Variants in ZNF217 observed in about 807,000 individuals in gnomAD.
The protein encoded by ZNF217 is zinc finger protein 217.
Under a neutral mutation model 73.3 loss-of-function variants are expected in ZNF217, and 12 were observed. The ratio of observed to expected loss-of-function variants is 0.16; its 90% CI spans 0.10 to 0.27. The LOEUF is 0.27. Ranked by LOEUF, ZNF217 falls within the 10% of genes least tolerant of loss-of-function variation. ZNF217 has a pLI of 1.00. For missense variants in ZNF217, 1,195 were observed against 1,327.8 expected, an observed-to-expected ratio of 0.90 and a Z score of 1.55; for synonymous variants, 588 against 516.4, an observed-to-expected ratio of 1.14 and a Z score of -1.88.
In ZNF217 at chr20:53,575,707, C is replaced by T. The variant is rs768926585; in HGVS notation, c.3037+20G>A. 9.1e-6 allele frequency: 14 copies of T among 1,538,228 alleles called. No individual in the cohort carries two copies. Among genetic ancestry groups the T allele is most frequent in the East Asian group, 4.5e-5 (2 of 44,350 alleles). On this transcript the variant is annotated intron_variant, in intron 4 of 5. Transcript: ENST00000371471. ...ATCACTGTAGGCAGCCATTTAAACACGACGCCCCTCATGCAATACCTTCTA... is the reference window on the plus strand; with the variant it reads ...ATCACTGTAGGCAGCCATTTAAACATGACGCCCCTCATGCAATACCTTCTA...
chr20:53,586,426 A>AGACAAAACAC (rs1988694844), intron 1 of ZNF217, among the ~76,000 whole-genome samples: 1 of 152,090 alleles, frequency 6.6e-6, no homozygotes, highest in Non-Finnish European at 1.5e-5. Context: ...AAAAAATCGT[A>AGACAAAACAC]TTTAATCACA....
chr20:53,592,544 C>T (rs1988916489), intron 1 of ZNF217, among the ~76,000 whole-genome samples: 1 of 148,640 alleles, frequency 6.7e-6, no homozygotes, highest in Non-Finnish European at 1.5e-5. Flanking sequence ...AGCGCCTTCC[C>T]GTCTTCGGTG....
intron 1 of ZNF217, among the ~76,000 whole-genome samples, 169 bp from the exon 2 acceptor site, chr20:53,583,337 T>C (rs3960234): frequency 6.6e-6 from 1 of 152,228 alleles, no homozygotes; most frequent in Non-Finnish European, 1.5e-5. Context: ...AATTAAATCA[T>C]TGGCATTTTA....
In ZNF217 at chr20:53,581,072, CAA is replaced by C. The variant is rs1386288921; in HGVS notation, c.1366+387_1366+388del. 6.6e-6 allele frequency among the ~76,000 whole-genome samples: 1 copy of C among 152,166 alleles called. No homozygotes were observed. The highest frequency in any genetic ancestry group is 1.9e-4 in the East Asian group (1 of 5,184). ...AGGCACACCCACACACACAGTATGA[CAA>C]CCAAAATGCCTCCAGACATTGCCAG... On this transcript the variant is annotated intron_variant, in intron 2 of 5. Coordinates refer to ENST00000371471, the MANE Select transcript of ZNF217 (RefSeq NM_006526.3). This position sits in a 1 kb window ranked among gnomAD's most constrained non-coding sequence, Gnocchi z 4.9.
chr20:53,589,902 C>T (rs1988822637), intron 1 of ZNF217, among the ~76,000 whole-genome samples: 1 of 132,190 alleles, frequency 7.6e-6, no homozygotes, highest in South Asian at 2.8e-4. Context: ...AACACCCCTC[C>T]CCCCCGCAGA....
intron 5 of ZNF217, among the ~76,000 whole-genome samples, chr20:53,570,733 CCTTGGCAGATAAGTACTTAT>C (rs72146136): frequency 0.086 from 13,134 of 152,202 alleles, 744 homozygotes; most frequent in Non-Finnish European, 0.13. Flanking sequence ...CAGTTCCCCT[CCTTGGCAGATAAGTACTTAT>C]CTTGGCAGAT....
chr20:53,592,950 C>G (rs1166356542), intron 1 of ZNF217, among the ~76,000 whole-genome samples: 1 of 151,862 alleles, frequency 6.6e-6, no homozygotes, highest in Non-Finnish European at 1.5e-5. Flanking sequence ...TTTGGGTGTT[C>G]CACTAGAATT....
At chr20:53,579,672 C>A (rs1988414671) in intron 2 of ZNF217, among the ~76,000 whole-genome samples, 1 of 152,192 alleles carries the variant, frequency 6.6e-6, no homozygotes, top group African/African-American at 2.4e-5. Flanking sequence ...TCCACATCTA[C>A]CTGGTTCCTG....
At chr20:53,591,920 G>A (rs1356848004) in intron 1 of ZNF217, among the ~76,000 whole-genome samples, 2 of 152,200 alleles carry the variant, frequency 1.3e-5, no homozygotes, top group Non-Finnish European at 2.9e-5. Context: ...TAAGAACATT[G>A]TAAATCTCCT....
At position 53,593,506 on chromosome 20, in the gene ZNF217, C is replaced by T. The variant is rs948730995; in HGVS notation, c.-343+250G>A. ...GCACCCCAAGCCCCTCTGAATCGTG[C>T]GGCGTGAGTGTGACGGCCAAGAGCG... On this transcript the variant is annotated intron_variant, in intron 1 of 5. Transcript: ENST00000371471. 2.0e-5 allele frequency among the ~76,000 whole-genome samples: 3 copies of T among 149,850 alleles called. No individual in the cohort carries two copies. The South Asian group carries it at 6.4e-4, about 32-fold the overall frequency.
upstream of ZNF217, among the ~76,000 whole-genome samples, chr20:53,594,252 G>GT (rs1340047735): frequency 1.3e-5 from 2 of 151,788 alleles, no homozygotes; most frequent in Non-Finnish European, 2.9e-5. Flanking sequence ...CTGGGGGACT[G>GT]TTGGGTCAGA....
rs895117382 is a variant in ZNF217, at chr20:53,567,167, G to A, written c.*2121C>T. On this transcript the variant is annotated 3_prime_UTR_variant, in exon 6 of 6. Coordinates refer to ENST00000371471, the MANE Select transcript of ZNF217 (RefSeq NM_006526.3). ...ATAAAACAAGTAATGTCTACTGTTC[G>A]ACAACTTAAGTATCAACAATTAAAA... 6.6e-6 allele frequency: 1 copy of A among 152,242 alleles called. No homozygotes were observed. Among genetic ancestry groups the A allele is most frequent in the African/African-American group, 2.4e-5 (1 of 41,310 alleles). The allele number at this position is 152,242 out of a possible 1,614,324, so 9.4% of individuals were successfully genotyped here.
intron 4 of ZNF217, among the ~76,000 whole-genome samples, chr20:53,573,847 G>A (rs906777410): frequency 1.3e-5 from 2 of 152,156 alleles, no homozygotes; most frequent in African/African-American, 4.8e-5. Flanking sequence ...AAGACAGGAG[G>A]ATCACCTAAG....
upstream of ZNF217, among the ~76,000 whole-genome samples, chr20:53,596,140 G>A (rs1276672954): frequency 3.9e-5 from 6 of 151,944 alleles, no homozygotes; most frequent in East Asian, 1.2e-3. Context: ...ATTATTTTCT[G>A]AGCAAAAACG....
intron 5 of ZNF217, 136 bp from the exon 6 acceptor site, chr20:53,569,400 T>G: frequency 1.6e-6 from 1 of 641,044 alleles, no homozygotes; most frequent in South Asian, 2.0e-5. Flanking sequence ...TGTTGTTGTT[T>G]TTGAGACAGT....
chr20:53,594,387 C>CG (rs1989000169), upstream of ZNF217, among the ~76,000 whole-genome samples: 1 of 150,290 alleles, frequency 6.7e-6, no homozygotes, highest in Non-Finnish European at 1.5e-5. Flanking sequence ...CCCCACACCG[C>CG]CCCGGCCCCG....
At chr20:53,569,353 A>C in intron 5 of ZNF217, 89 bp from the exon 6 acceptor site, 1 of 905,504 alleles carries the variant, frequency 1.1e-6, no homozygotes, top group Non-Finnish European at 1.4e-6. Context: ...AATACATAGA[A>C]CCAAACTGAC....
At chr20:53,591,422 T>A (rs1447949644) in intron 1 of ZNF217, among the ~76,000 whole-genome samples, 1 of 152,226 alleles carries the variant, frequency 6.6e-6, no homozygotes, top group East Asian at 1.9e-4. Context: ...TCATTAAAAT[T>A]CCAAACAAAC....
upstream of ZNF217, among the ~76,000 whole-genome samples, chr20:53,595,677 T>G (rs1411205219): frequency 6.6e-6 from 1 of 152,252 alleles, no homozygotes; most frequent in African/African-American, 2.4e-5. Context: ...GAATTTTTTT[T>G]CACTCAAGTC....
Sources: gnomAD v4.1 joint callset for allele counts (sites outside exome capture counted in the v4.1 genomes callset) on GRCh38, gnomAD v4.1.1 for gene constraint, Gnocchi (gnomAD v3.1) non-coding constraint, MANE v1.5 for transcripts, NCBI Gene and HGNC (gene_info 2026-07-23, HGNC 2026-07-21) for gene names.